The following PHLPP2 variants were observed in gnomAD, a reference collection of about 807,000 sequenced individuals.
PHLPP2 encodes the protein PH domain leucine-rich repeat-containing protein phosphatase 2.
A neutral mutation model predicts 124.9 loss-of-function variants in PHLPP2; 66 were observed. The ratio of observed to expected loss-of-function variants is 0.53; its 90% CI spans 0.43 to 0.65. The LOEUF is 0.65. Among genes scored for constraint, PHLPP2 ranks in the 30% least tolerant of loss-of-function variants. The probability of loss-of-function intolerance (pLI) is 0.00; values close to 1 mark genes in which losing one functional copy is unlikely to be tolerated. For missense variants in PHLPP2, 1,685 were observed against 1,600.4 expected, an observed-to-expected ratio of 1.05 and a Z score of -0.90; for synonymous variants, 681 against 624.7, an observed-to-expected ratio of 1.09 and a Z score of -1.34.
At chr16:71,679,805 G>C (rs375961355) in intron 6 of PHLPP2, among the ~76,000 whole-genome samples, 1 of 152,116 alleles carries the variant, frequency 6.6e-6, no homozygotes, top group Non-Finnish European at 1.5e-5. Context: ...AATCTTGGCC[G>C]GATGCAGTGG....
chr16:71,652,383 T>C (rs1267938123), intron 18 of PHLPP2, among the ~76,000 whole-genome samples: 2 of 152,180 alleles, frequency 1.3e-5, no homozygotes, highest in African/African-American at 4.8e-5. Context: ...CACCAGAGCA[T>C]ACTACACCAC....
intron 15 of PHLPP2, among the ~76,000 whole-genome samples, chr16:71,657,013 G>A (rs113883862): frequency 2.2e-3 from 340 of 152,116 alleles, no homozygotes; most frequent in African/African-American, 7.3e-3. Flanking sequence ...CGCAATCTCG[G>A]CTCACTGCAA....
Position 71,664,087 on chromosome 16 carries a change from C to T in PHLPP2, c.1797G>A (p.Leu599=). Residue 599 remains leucine (L), a synonymous_variant, in exon 13 of 19, where the codon TTG becomes TTA. Transcript: ENST00000568954. ...ACTCCAGACTATTTGCAGATGCATT[C>T]AAGTATCTGAGACTGACAGAACACA... ...LFSKALNLRY[L]NASANSLESL... is the part of the protein sequence containing the mutation. 1 of 1,609,862 alleles carries T rather than the reference C, an allele frequency of 6.2e-7. No individual in the cohort carries two copies. Among genetic ancestry groups the T allele is most frequent in the Non-Finnish European group, 8.5e-7 (1 of 1,176,128 alleles).
At chr16:71,707,078 C>T (rs1485970210) in intron 2 of PHLPP2, among the ~76,000 whole-genome samples, 1 of 150,610 alleles carries the variant, frequency 6.6e-6, no homozygotes, top group African/African-American at 2.4e-5. Context: ...CCTCAGCCTC[C>T]CGAGTAGCTG....
rs1409536192 is a variant in PHLPP2 at position 71,658,333 on chromosome 16, C to T, written c.2179G>A (p.Glu727Lys). The T allele has an allele frequency of 3.1e-6, 5 of 1,613,908 alleles. No individual in the cohort carries two copies. Among genetic ancestry groups the T allele is most frequent in the African/African-American group, 1.3e-5 (1 of 75,062 alleles). Residue 727 changes from glutamate to lysine, a missense_variant, in exon 15 of 19, where the codon GAA becomes AAA. Transcript: ENST00000568954. ...GGCAAAGCCTCTGGAATCAGGATTT[C>T]TGTCAAGTCGTTGCAACTTAGGTCT... is the stretch of plus-strand genomic sequence containing the variant. ...FVDLSCNDLT[E>K]ILIPEALPAT... is the part of the protein sequence containing the mutation.
In PHLPP2 at chr16:71,656,491, C is replaced by A. The variant is rs545711475; in HGVS notation, c.2390+80G>T. On this transcript the variant is annotated intron_variant, in intron 16 of 18. Transcript: ENST00000568954. The stretch of plus-strand genomic sequence containing the variant: ...TGTACAACAGAACAACATGGCCTAG[C>A]TATTATGAGCATCAGGCCAGTTCTC... 2,414 of 765,848 alleles carry A rather than the reference C, an allele frequency of 3.2e-3. 9 individuals carry two copies. Among genetic ancestry groups the A allele is most frequent in the South Asian group, 6.7e-3 (452 of 67,034 alleles). 47.4% of individuals were successfully genotyped at this position (765,848 alleles called of 1,614,324 possible).
At chr16:71,685,798 ATC>A (rs2045049984) in intron 4 of PHLPP2, among the ~76,000 whole-genome samples, 1 of 152,228 alleles carries the variant, frequency 6.6e-6, no homozygotes, top group South Asian at 2.1e-4. Flanking sequence ...AGATCTGTAA[ATC>A]TCTCACTGTA....
intron 4 of PHLPP2, among the ~76,000 whole-genome samples, chr16:71,685,306 G>A (rs187675083): frequency 3.3e-5 from 5 of 152,180 alleles, no homozygotes; most frequent in Admixed American, 6.5e-5. Context: ...CAGTCCAGGC[G>A]ACAGTGCGAG....
intron 17 of PHLPP2, 166 bp downstream of exon 17, chr16:71,655,074 G>A (rs2052584): frequency 0.86 from 478,337 of 556,132 alleles, 206,723 homozygotes; most frequent in East Asian, 0.99. Flanking sequence ...TGAAAGAGCC[G>A]AAGTCCCCGC....
At chr16:71,665,382 A>G (rs1037418180) in intron 12 of PHLPP2, among the ~76,000 whole-genome samples, 1 of 152,242 alleles carries the variant, frequency 6.6e-6, no homozygotes, top group Non-Finnish European at 1.5e-5. Context: ...TCAACACTGA[A>G]TATTACAAAT....
intron 16 of PHLPP2, 43 bp downstream of exon 16, chr16:71,656,528 G>C (rs2044743267): frequency 8.8e-7 from 1 of 1,137,916 alleles, no homozygotes. Context: ...GATGCCAGGG[G>C]CTGCCTTTTT....
intron 1 of PHLPP2, among the ~76,000 whole-genome samples, chr16:71,718,038 C>G (rs2045374883): frequency 1.3e-5 from 2 of 152,150 alleles, no homozygotes; most frequent in Non-Finnish European, 2.9e-5. Context: ...ACTACATGCA[C>G]ATGCCACCAC....
intron 4 of PHLPP2, among the ~76,000 whole-genome samples, chr16:71,689,241 GACTC>G (rs2045083227): frequency 6.6e-6 from 1 of 151,506 alleles, no homozygotes; most frequent in East Asian, 1.9e-4. Context: ...AAGAGACAGG[GACTC>G]ACTCTGTCAC....
At chr16:71,680,782 G>C (rs1431881684) in intron 6 of PHLPP2, among the ~76,000 whole-genome samples, 1 of 152,044 alleles carries the variant, frequency 6.6e-6, no homozygotes, top group Non-Finnish European at 1.5e-5. Flanking sequence ...CCTTTGGCTT[G>C]GTGCTTTAAA....
intron 1 of PHLPP2, among the ~76,000 whole-genome samples, chr16:71,722,109 G>A (rs995116723): frequency 3.3e-5 from 5 of 152,132 alleles, no homozygotes; most frequent in African/African-American, 1.2e-4. Flanking sequence ...AGCATCACTT[G>A]GCACAATTCA....
chr16:71,676,819 G>T, intron 8 of PHLPP2, 170 bp from the exon 9 acceptor site: 1 of 585,630 alleles, frequency 1.7e-6, no homozygotes. Context: ...CGTGATCTCG[G>T]TTCACTGCAA....
chr16:71,655,016 A>T, intron 17 of PHLPP2: 2 of 489,774 alleles, frequency 4.1e-6, no homozygotes, highest in Admixed American at 3.3e-5. Flanking sequence ...CCAGATCCTC[A>T]GCAGCCTTTG....
Position 71,648,923 on chromosome 16 carries a change from G to C in PHLPP2, c.3939C>G (p.Thr1313=), listed in dbSNP as rs139626439. Residue 1313 remains threonine (T), a synonymous_variant, in exon 19 of 19, where the codon ACC becomes ACG. Coordinates refer to ENST00000568954, the MANE Select transcript of PHLPP2 (RefSeq NM_015020.3). ...LEPEPHEEDR[T]EPPEEFDTAL Reference sequence around the variant, plus strand: ...CTGTGTCGAACTCCTCCGGGGGCTCGGTCCGATCCTCTTCATGGGGCTCAG... The same window carrying C: ...CTGTGTCGAACTCCTCCGGGGGCTCCGTCCGATCCTCTTCATGGGGCTCAG... 5 of 1,612,710 alleles carry C rather than the reference G, an allele frequency of 3.1e-6. No individual in the cohort carries two copies. The African/African-American group carries it at 6.7e-5, about 22-fold the overall frequency.
intron 3 of PHLPP2, among the ~76,000 whole-genome samples, chr16:71,694,637 A>G (rs1266004778): frequency 6.6e-6 from 1 of 152,172 alleles, no homozygotes; most frequent in African/African-American, 2.4e-5. Flanking sequence ...CTTTAAATCA[A>G]TATGAAAAAA....
Sources: allele counts gnomAD v4.1 joint callset (sites outside exome capture counted in the v4.1 genomes callset), GRCh38; gene constraint gnomAD v4.1.1; transcripts MANE v1.5; gene names NCBI Gene and HGNC (gene_info 2026-07-23, HGNC 2026-07-21).